Variants in WDR87 observed in about 807,000 individuals in gnomAD.
WDR87 encodes the protein WD repeat-containing protein 87.
In WDR87, 56 loss-of-function variants were observed where a neutral mutation model predicts 83.3. The observed-to-expected ratio is 0.67, with a 90% CI of 0.54 to 0.84. The LOEUF (loss-of-function observed/expected upper bound fraction) is 0.84. Among genes scored for constraint, WDR87 ranks in the 40% least tolerant of loss-of-function variants. The pLI is 0.00. For missense variants in WDR87, 2,939 were observed against 3,431.9 expected (o/e 0.86, Z 3.59); for synonymous variants, 1,173 against 1,250.6 (o/e 0.94, Z 1.31).
Position 37,888,947 on chromosome 19 carries a change from T to TG in WDR87, c.4723dup (p.Gln1575ProfsTer6). 6.4e-7 allele frequency: 1 copy of TG among 1,552,254 alleles called. No homozygotes were observed. The highest frequency in any genetic ancestry group is 2.4e-5 in the East Asian group (1 of 40,924). On this transcript the variant is annotated frameshift_variant, in exon 6 of 6. Coordinates refer to ENST00000447313, the MANE Select transcript of WDR87 (RefSeq NM_001291088.2). LOFTEE classifies it low-confidence loss of function (END_TRUNC). ...CACTTCTTCCTCATCCTTGTACTGT[T>TG]GCTCCTTGGACTTAGATGATAACAT...
chr19:37,900,575 A>AAAAAAAAAAAAAAAAAAAAAC, intron 1 of WDR87, among the ~76,000 whole-genome samples: 1 of 151,076 alleles, frequency 6.6e-6, no homozygotes, highest in Non-Finnish European at 1.5e-5. Context: ...AAAAAAAAAA[A>AAAAAAAAAAAAAAAAAAAAAC]AAAAGACCCA....
intron 4 of WDR87, among the ~76,000 whole-genome samples, 188 bp downstream of exon 4, chr19:37,892,390 A>C (rs924256666): frequency 2.6e-5 from 4 of 152,208 alleles, no homozygotes; most frequent in East Asian, 1.9e-4. Context: ...TCTCAAAAAA[A>C]GAAGGAAGAG....
chr19:37,895,766 C>CAA (rs36107860), intron 3 of WDR87, among the ~76,000 whole-genome samples: 13 of 84,234 alleles, frequency 1.5e-4, no homozygotes, highest in East Asian at 3.6e-4. Context: ...GACTCTGTCT[C>CAA]AAAAAAAAAA....
chr19:37,889,945 A>G lies in WDR87; in HGVS notation c.3726T>C (p.Asn1242=), dbSNP rs937412775. 2.7e-5 allele frequency: 42 copies of G among 1,551,582 alleles called. No individual in the cohort carries two copies. Among genetic ancestry groups the G allele is most frequent in the Non-Finnish European group, 3.6e-5 (41 of 1,146,984 alleles). ...CCATTACAGGAGGTGTAGTTTCCTC[A>G]TTTATAACTTTGGCTTCTTTTCCCT... ...KKKGKEAKVI[N]EETTPPVMEQ... Residue 1242 remains asparagine, a synonymous_variant, in exon 6 of 6, where the codon AAT becomes AAC. Transcript: ENST00000447313.
chr19:37,888,255 C>A lies in WDR87; in HGVS notation c.5416G>T (p.Glu1806Ter), dbSNP rs1457529881. The change falls in exon 6 of 6, where the codon GAG becomes TAG. Residue 1806 changes from glutamate to a stop codon, truncating the protein, a stop_gained. Transcript: ENST00000447313. LOFTEE classifies it low-confidence loss of function (END_TRUNC). ...AWQREKLSEE[E>*]TKLAQEEELL... The stretch of plus-strand genomic sequence containing the variant: ...TCTTCTTCCTGGGCCAGTTTTGTCT[C>A]TTCTTCAGACAGTTTCTCCCTTTGC... The A allele has an allele frequency of 1.3e-6, 2 of 1,552,034 alleles. No individual in the cohort carries two copies. The highest frequency in any genetic ancestry group is 3.9e-5 in the Admixed American group (2 of 51,004).
rs2046206920 is a variant in WDR87, at chr19:37,891,718, G to A, written c.3228C>T (p.Asn1076=). Residue 1076 remains asparagine (N), a synonymous_variant, in exon 5 of 6, where the codon AAC becomes AAT. Transcript: ENST00000447313. ...STQVEQRLNE[N]LTLSHRDEKP... ...TTTCATCTCTATGTGACAGGGTCAG[G>A]TTTTCATTCAATCTCTGCTCCACTT... 1 of 1,551,878 alleles carries A rather than the reference G, an allele frequency of 6.4e-7. No homozygotes were observed. The highest frequency in any genetic ancestry group is 1.2e-5 in the South Asian group (1 of 84,060).
At chr19:37,896,368 C>T (rs566832368) in intron 2 of WDR87, 60 bp from the exon 3 acceptor site, 55 of 1,514,972 alleles carry the variant, frequency 3.6e-5, no homozygotes, top group Middle Eastern at 3.5e-4. Flanking sequence ...AATATATTCT[C>T]GCACAAGTCA....
At chr19:37,891,382 T>C (rs1363658084) in intron 5 of WDR87, among the ~76,000 whole-genome samples, 170 bp downstream of exon 5, 1 of 152,058 alleles carries the variant, frequency 6.6e-6, no homozygotes, top group Non-Finnish European at 1.5e-5. Context: ...CGGGCTGGTC[T>C]CGAGCTCCTG....
intron 1 of WDR87, among the ~76,000 whole-genome samples, chr19:37,902,217 CTTTTT>C (rs1337043894): frequency 1.3e-5 from 2 of 151,322 alleles, no homozygotes; most frequent in African/African-American, 4.9e-5. Context: ...TTTCTTTTTC[CTTTTT>C]TATTTTTTTT....
rs1220214595 is a variant in WDR87 at position 37,891,650 on chromosome 19, T to G, written c.3296A>C (p.Lys1099Thr). 2.6e-6 allele frequency: 4 copies of G among 1,551,748 alleles called. No individual in the cohort carries two copies. The South Asian group carries it at 4.8e-5, about 18-fold the overall frequency. The change falls in exon 5 of 6, where the codon AAA becomes ACA. Residue 1099 changes from lysine to threonine, a missense_variant. This residue lies in a region of WDR87 where 2,160 missense variants were observed against 2,533.1 expected (regional missense o/e 0.85). Transcript: ENST00000447313. ...AACTGTAGGAGGTTTCAGGGAGGAT[T>G]TAAGTTCAGAAGGCATTGAGACATC... ...SLDVSMPSEL[K>T]SSLKPPTVSE...
At chr19:37,900,516 A>C (rs1752192399) in intron 1 of WDR87, among the ~76,000 whole-genome samples, 1 of 139,268 alleles carries the variant, frequency 7.2e-6, no homozygotes, top group South Asian at 2.4e-4. Context: ...AGCCGAGATC[A>C]CGCCACTGCA....
chr19:37,893,730 C>G lies in WDR87; in HGVS notation c.1973G>C (p.Arg658Pro). 6.4e-7 allele frequency: 1 copy of G among 1,551,540 alleles called. No homozygotes were observed. The highest frequency in any genetic ancestry group is 1.2e-5 in the South Asian group (1 of 84,056). The change falls in exon 4 of 6, where the codon CGG becomes CCG. Residue 658 changes from arginine (R) to proline (P), a missense_variant. Physicochemically the swap from Arg to Pro is moderately radical, Grantham distance 103 (BLOSUM62 -2). Coordinates refer to ENST00000447313, the MANE Select transcript of WDR87 (RefSeq NM_001291088.2). ...HFGPVCFAND[R>P]GDLLVTFNQS... ...GTTAAAAGTCACAAGCAGGTCACCC[C>G]GGTCATTTGCAAAACAGACTGGGCC...
intron 4 of WDR87, 87 bp downstream of exon 4, chr19:37,892,491 A>G: frequency 8.1e-7 from 1 of 1,233,866 alleles, no homozygotes; most frequent in Non-Finnish European, 1.1e-6. Flanking sequence ...ATCAGGGAGA[A>G]TTAATGAACA....
Position 37,894,286 on chromosome 19 carries a change from G to A in WDR87, c.1417C>T (p.Leu473=). 1 of 1,551,714 alleles carries A rather than the reference G, an allele frequency of 6.4e-7. No individual in the cohort carries two copies. The highest frequency in any genetic ancestry group is 8.7e-7 in the Non-Finnish European group (1 of 1,146,998). The part of the protein sequence containing the change: ...AYGHFNLGRG[L]EGLIFSGHQS... ...TGCCCAGAGAATATCAGTCCCTCTA[G>A]ACCCCGCCCCAAGTTGAAATGCCCA... Residue 473 remains leucine (L), a synonymous_variant, in exon 4 of 6, where the codon CTA becomes TTA. Transcript: ENST00000447313.
Position 37,893,817 on chromosome 19 carries a change from G to C in WDR87, c.1886C>G (p.Ser629Cys). The change falls in exon 4 of 6, where the codon TCT becomes TGT. Residue 629 changes from serine to cysteine, a missense_variant. Ser to Cys is a moderately radical substitution (Grantham distance 112). Transcript: ENST00000447313. ...SLFVTGSADG[S>C]VRIWDFHGRL... Reference sequence around the variant, plus strand: ...GCCATGGAAGTCCCAGATCCGAACAGAGCCATCGGCAGAACCTGTGACAAA... The same window carrying C: ...GCCATGGAAGTCCCAGATCCGAACACAGCCATCGGCAGAACCTGTGACAAA... 1 of 1,551,754 alleles carries C rather than the reference G, an allele frequency of 6.4e-7. No individual in the cohort carries two copies.
At chr19:37,899,999 T>G (rs571185348) in intron 1 of WDR87, among the ~76,000 whole-genome samples, 1 of 152,332 alleles carries the variant, frequency 6.6e-6, no homozygotes, top group African/African-American at 2.4e-5. Flanking sequence ...CTGGGCTTCC[T>G]GAAGCAAGGT....
At position 37,890,120 on chromosome 19, in the gene WDR87, C is replaced by G. The variant is rs983045188; in HGVS notation, c.3551G>C (p.Ser1184Thr). Residue 1184 changes from serine to threonine, a missense_variant, in exon 6 of 6, where the codon AGT (serine) becomes ACT (threonine). By Grantham distance (58) the Ser-to-Thr change is moderately conservative (BLOSUM62 1). Transcript: ENST00000447313. ...AACATCTTTTGAGAGCTTTATTACA[C>G]TGGTGCTTGAAGACCATTGGGAATA... ...SVYSQWSSST[S>T]VIKLSKDVDS... is the part of the protein sequence containing the mutation. 1.1e-5 allele frequency: 17 copies of G among 1,551,894 alleles called. No homozygotes were observed. The highest frequency in any genetic ancestry group is 1.4e-5 in the Non-Finnish European group (16 of 1,147,066).
Position 37,886,950 on chromosome 19 carries a change from C to T in WDR87, c.6721G>A (p.Glu2241Lys). 1.3e-6 allele frequency: 2 copies of T among 1,551,892 alleles called. No homozygotes were observed. Among genetic ancestry groups the T allele is most frequent in the Non-Finnish European group, 1.7e-6 (2 of 1,147,050 alleles). The change falls in exon 6 of 6, where the codon GAG (glutamate) becomes AAG (lysine). Residue 2241 changes from glutamate (E) to lysine (K), a missense_variant. By Grantham distance (56) the Glu-to-Lys change is moderately conservative (BLOSUM62 1). Around this residue, in one of 3 missense-constraint regions of WDR87, gnomAD observed 2,160 missense variants for 2,533.1 expected, o/e 0.85. Coordinates refer to ENST00000447313, the MANE Select transcript of WDR87 (RefSeq NM_001291088.2). ...FLKRRWRKRK[E>K]AKRGDKPKEK... ...TTTGGTTTGTCACCTCTCTTGGCCT[C>T]TTTCCTCTTTCTCCACCTTCGTTTA...
Position 37,888,703 on chromosome 19 carries a change from G to A in WDR87, c.4968C>T (p.Ala1656=). The part of the protein sequence containing the change: ...RQLAQEERKL[A]QAYVKITQDD... The stretch of plus-strand genomic sequence containing the variant: ...CCTGGGTTATTTTCACGTATGCCTG[G>A]GCCAGTTTTCTCTCTTCCTGGGCCA... The change falls in exon 6 of 6, where the codon GCC becomes GCT. Residue 1656 remains alanine, a synonymous_variant. Coordinates refer to ENST00000447313, the MANE Select transcript of WDR87 (RefSeq NM_001291088.2). The A allele has an allele frequency of 6.4e-7, 1 of 1,551,516 alleles. No homozygotes were observed. Among genetic ancestry groups the A allele is most frequent in the South Asian group, 1.2e-5 (1 of 83,978 alleles).
Sources: gnomAD v4.1 joint callset for allele counts (sites outside exome capture counted in the v4.1 genomes callset) on GRCh38, gnomAD v4.1.1 for gene constraint, gnomAD v4.1.1 regional missense constraint, MANE v1.5 for transcripts, NCBI Gene and HGNC (gene_info 2026-07-23, HGNC 2026-07-21) for gene names.